The following TCF4 variants were observed in gnomAD, a reference collection of about 807,000 sequenced individuals.
TCF4 encodes the protein transcription factor 4.
TCF4 carries 3 observed loss-of-function variants against 82.1 expected under a neutral mutation model. The observed-to-expected ratio is 0.04, with a 90% CI of 0.02 to 0.09. The LOEUF is 0.09. TCF4 is among the 10% of genes least tolerant of loss of function. The pLI is 1.00. For synonymous variants in TCF4, 276 were observed against 309.6 expected (o/e 0.89, Z 1.14); for missense variants, 518 against 852.7 (o/e 0.61, Z 4.89).
intron 5 of TCF4, among the ~76,000 whole-genome samples, chr18:55,433,014 GAAATACATGTTTTT>G (rs2095245316): frequency 6.6e-6 from 1 of 152,214 alleles, no homozygotes. Context: ...GCAGTGTGCT[GAAATACATGTTTTT>G]AAAAAAGTAA....
chr18:55,575,552 T>C (rs568466451), intron 3 of TCF4, among the ~76,000 whole-genome samples: 38 of 152,064 alleles, frequency 2.5e-4, no homozygotes, highest in Non-Finnish European at 5.0e-4. Context: ...TTTACATGAG[T>C]CTAGAATATC....
At chr18:55,448,766 C>A (rs1331259491) in intron 5 of TCF4, among the ~76,000 whole-genome samples, 1 of 152,172 alleles carries the variant, frequency 6.6e-6, no homozygotes, top group African/African-American at 2.4e-5. Flanking sequence ...TCAAAGAAGT[C>A]ACATAGAGGC....
chr18:55,322,092 C>CTTTTTTTTTTTCTTTTT (rs2075666174), intron 8 of TCF4: 1 of 920,762 alleles, frequency 1.1e-6, no homozygotes, highest in South Asian at 5.4e-5. Context: ...TTTTTCTTTT[C>CTTTTTTTTTTTCTTTTT]TTTTTTTTTT....
intron 14 of TCF4, among the ~76,000 whole-genome samples, chr18:55,256,356 T>C (rs187807119): frequency 5.3e-5 from 8 of 152,228 alleles, no homozygotes; most frequent in Admixed American, 4.6e-4. Flanking sequence ...CTAAAACAAC[T>C]AATTATGTGG....
chr18:55,455,514 T>G (rs2095728886), intron 5 of TCF4, among the ~76,000 whole-genome samples: 1 of 145,496 alleles, frequency 6.9e-6, no homozygotes, highest in Admixed American at 6.9e-5. Context: ...AACATCAAGC[T>G]GAAAGGTGTT....
intron 8 of TCF4, among the ~76,000 whole-genome samples, chr18:55,288,413 A>G (rs1242703527): frequency 1.3e-5 from 2 of 152,260 alleles, no homozygotes; most frequent in African/African-American, 4.8e-5. Flanking sequence ...TCTGAGGCAC[A>G]GAGAGGTTAA....
intron 3 of TCF4, among the ~76,000 whole-genome samples, chr18:55,537,417 C>T (rs2097126445): frequency 6.6e-6 from 1 of 152,010 alleles, no homozygotes; most frequent in Non-Finnish European, 1.5e-5. Context: ...TGGCGAAACA[C>T]CATCTCTACA....
intron 3 of TCF4, among the ~76,000 whole-genome samples, chr18:55,513,407 A>G (rs1030868189): frequency 6.7e-6 from 1 of 149,596 alleles, no homozygotes; most frequent in African/African-American, 2.5e-5. Context: ...CCATCTCCAT[A>G]TAAATGTCTA....
intron 6 of TCF4, among the ~76,000 whole-genome samples, chr18:55,365,554 G>A (rs8083943): frequency 0.031 from 4,727 of 151,770 alleles, 240 homozygotes; most frequent in African/African-American, 0.11. Flanking sequence ...ACCTCAGAGC[G>A]AGCCCATCAG....
At chr18:55,451,824 A>G (rs1241257175) in intron 5 of TCF4, among the ~76,000 whole-genome samples, 1 of 152,162 alleles carries the variant, frequency 6.6e-6, no homozygotes, top group African/African-American at 2.4e-5. Flanking sequence ...CAAAATTCAG[A>G]GAAACCATCT....
At chr18:55,517,397 G>T (rs1047641403) in intron 3 of TCF4, among the ~76,000 whole-genome samples, 6 of 151,984 alleles carry the variant, frequency 3.9e-5, no homozygotes, top group African/African-American at 1.4e-4. Flanking sequence ...CTGTCCACCC[G>T]CCATCAGACT....
At position 55,550,101 on chromosome 18, in the gene TCF4, A is replaced by G. The variant is rs609595; in HGVS notation, c.145+35179T>C. ...GAAAACTATAAACTATCCAAGTTATATATCTCGTGATTTCTAGAAATCTTA... is the reference window on the plus strand; with the variant it reads ...GAAAACTATAAACTATCCAAGTTATGTATCTCGTGATTTCTAGAAATCTTA... On this transcript the variant is annotated intron_variant, in intron 3 of 19. Transcript: ENST00000354452. 1.5e-3 allele frequency among the ~76,000 whole-genome samples: 234 copies of G among 152,342 alleles called. 1 individual carries two copies. The highest frequency in any genetic ancestry group is 5.5e-3 in the African/African-American group (230 of 41,584).
chr18:55,295,873 T>C (rs1400547718), intron 8 of TCF4, among the ~76,000 whole-genome samples: 2 of 152,172 alleles, frequency 1.3e-5, no homozygotes, highest in Non-Finnish European at 2.9e-5. Context: ...TAAGGCCAAA[T>C]GTGGACTAGT....
chr18:55,588,350 T>C, upstream of TCF4: 1 of 1,490,554 alleles, frequency 6.7e-7, no homozygotes, highest in Non-Finnish European at 8.9e-7. Flanking sequence ...GAGACGCGAC[T>C]TGCTCCGGGT....
chr18:55,256,312 A>G (rs1171557430), intron 14 of TCF4, among the ~76,000 whole-genome samples: 1 of 152,142 alleles, frequency 6.6e-6, no homozygotes, highest in Non-Finnish European at 1.5e-5. Flanking sequence ...GTTTTGATGA[A>G]TAGGCCCCAG....
chr18:55,603,632 C>A (rs1172658941), intron 2 of TCF4, among the ~76,000 whole-genome samples: 1 of 152,116 alleles, frequency 6.6e-6, no homozygotes, highest in African/African-American at 2.4e-5. Flanking sequence ...TCACTATTGT[C>A]CATAAACTAA....
At chr18:55,394,485 G>A (rs1337591587) in intron 6 of TCF4, among the ~76,000 whole-genome samples, 2 of 151,994 alleles carry the variant, frequency 1.3e-5, no homozygotes, top group African/African-American at 4.8e-5. Context: ...GGAGATAAAG[G>A]GTATGTAGCT....
At chr18:55,595,481 G>T (rs576170513) in intron 2 of TCF4, among the ~76,000 whole-genome samples, 13 of 152,306 alleles carry the variant, frequency 8.5e-5, no homozygotes, top group Admixed American at 3.9e-4. Context: ...ATTCCTCCAG[G>T]AATGACCCAG....
At chr18:55,391,004 T>G (rs1015644967) in intron 6 of TCF4, among the ~76,000 whole-genome samples, 4 of 152,170 alleles carry the variant, frequency 2.6e-5, no homozygotes, top group African/African-American at 9.7e-5. Flanking sequence ...GTTAGTGCCT[T>G]CTCTTTGGCT....
Sources: gnomAD v4.1 joint callset for allele counts (sites outside exome capture counted in the v4.1 genomes callset) on GRCh38, gnomAD v4.1.1 for gene constraint, MANE v1.5 for transcripts, NCBI Gene and HGNC (gene_info 2026-07-23, HGNC 2026-07-21) for gene names.